The following APP variants were observed in gnomAD, a reference collection of about 807,000 sequenced individuals.
APP encodes the protein amyloid-beta precursor protein.
Under a neutral mutation model 101.4 loss-of-function variants are expected in APP, and 31 were observed. The observed-to-expected ratio is 0.31, with a 90% confidence interval of 0.23 to 0.41. The LOEUF (loss-of-function observed/expected upper bound fraction) is 0.41. Ranked by LOEUF, APP falls within the 10% of genes least tolerant of loss-of-function variation. The pLI, the probability that APP is intolerant of heterozygous loss-of-function variation, is 1.00. For synonymous variants in APP, 366 were observed against 364.4 expected, an observed-to-expected ratio of 1.00 and a Z score of -0.05; for missense variants, 839 against 1,003.7, an observed-to-expected ratio of 0.84 and a Z score of 2.22.
intron 13 of APP, among the ~76,000 whole-genome samples, chr21:25,938,424 A>AT (rs1161544430): frequency 3.1e-4 from 46 of 149,212 alleles, no homozygotes; most frequent in South Asian, 6.4e-4. Flanking sequence ...TCTCTGCTTC[A>AT]TTTTTTTTTT....
intron 3 of APP, among the ~76,000 whole-genome samples, chr21:26,064,471 T>C (rs117949387): frequency 6.6e-6 from 1 of 152,336 alleles, no homozygotes; most frequent in Non-Finnish European, 1.5e-5. Context: ...TAAGGTGTCA[T>C]GCCAAACTCC....
At chr21:25,952,191 T>TACACATAC (rs1555901900) in intron 13 of APP, among the ~76,000 whole-genome samples, 5 of 139,898 alleles carry the variant, frequency 3.6e-5, no homozygotes, top group Non-Finnish European at 7.8e-5. Flanking sequence ...ATTACATACA[T>TACACATAC]ACACACACAC....
intron 9 of APP, among the ~76,000 whole-genome samples, chr21:25,978,181 A>G (rs2042292671): frequency 6.6e-6 from 1 of 152,238 alleles, no homozygotes; most frequent in Non-Finnish European, 1.5e-5. Flanking sequence ...ATTAACTCAC[A>G]TTTTGATTTT....
chr21:26,083,905 G>A, intron 3 of APP, among the ~76,000 whole-genome samples: 1 of 151,988 alleles, frequency 6.6e-6, no homozygotes, highest in Non-Finnish European at 1.5e-5. Flanking sequence ...ATGTAATGAA[G>A]TATAAATCAC....
At chr21:25,904,785 C>G (rs1220772162) in intron 15 of APP, among the ~76,000 whole-genome samples, 2 of 151,682 alleles carry the variant, frequency 1.3e-5, no homozygotes, top group African/African-American at 4.8e-5. Flanking sequence ...TGGAAGGGCT[C>G]TCTTTTAGGT....
Position 25,982,423 on chromosome 21 carries a change from G to A in APP, c.1145C>T (p.Pro382Leu). Residue 382 changes from proline (P) to leucine (L), a missense_variant, in exon 9 of 18, where the codon CCT (proline) becomes CTT (leucine). Transcript: ENST00000346798. Reference protein sequence around the residue: ...PDAVDKYLETPGDENEHAHFQ... With the variant: ...PDAVDKYLETLGDENEHAHFQ... Reference sequence around the variant, plus strand: ...ATGGGCATGTTCATTCTCATCCCCAGGTGTCTCGAGATACTTGTCAACGGC... The same window carrying A: ...ATGGGCATGTTCATTCTCATCCCCAAGTGTCTCGAGATACTTGTCAACGGC... 1 of 1,613,602 alleles carries A rather than the reference G, an allele frequency of 6.2e-7. No individual in the cohort carries two copies. The highest frequency in any genetic ancestry group is 8.5e-7 in the Non-Finnish European group (1 of 1,179,722).
chr21:25,911,798 G>A lies in APP; in HGVS notation c.1852C>T (p.Leu618Phe), dbSNP rs1173378613. 2.5e-6 allele frequency: 4 copies of A among 1,614,148 alleles called. No homozygotes were observed. Residue 618 changes from leucine to phenylalanine, a missense_variant, in exon 14 of 18, where the codon CTC (leucine) becomes TTC (phenylalanine). Transcript: ENST00000346798. Reference protein sequence around the residue: ...PVNGEFSLDDLQPWHSFGADS... With the variant: ...PVNGEFSLDDFQPWHSFGADS... ...GCCCCAAAAGAATGCCACGGCTGGA[G>A]ATCGTCCAGGCTGAACTCTCCATTC...
intron 1 of APP, among the ~76,000 whole-genome samples, chr21:26,152,284 C>CAAAAAAAAAAAAAAAAAAAAAAAAAAA (rs1161739630): frequency 2.8e-5 from 1 of 36,202 alleles, no homozygotes; most frequent in Admixed American, 4.3e-4. Context: ...GACTCCATCT[C>CAAAAAAAAAAAAAAAAAAAAAAAAAAA]AAAAAAAAAA....
At chr21:26,116,797 C>G (rs1397777403) in intron 1 of APP, among the ~76,000 whole-genome samples, 1 of 152,174 alleles carries the variant, frequency 6.6e-6, no homozygotes, top group Non-Finnish European at 1.5e-5. Context: ...CACCCGCTGA[C>G]TAGTCTAAAT....
intron 2 of APP, among the ~76,000 whole-genome samples, chr21:26,109,579 G>A (rs774514668): frequency 2.0e-5 from 3 of 152,164 alleles, no homozygotes; most frequent in Non-Finnish European, 2.9e-5. Flanking sequence ...CCCAGTCTCA[G>A]GTAGTTTATT....
chr21:25,932,562 T>C (rs1041681360), intron 13 of APP, among the ~76,000 whole-genome samples: 3 of 152,194 alleles, frequency 2.0e-5, no homozygotes, highest in African/African-American at 4.8e-5. Flanking sequence ...ATCCCCACAC[T>C]TTCCAGTCTT....
At chr21:25,886,019 G>A (rs2037300240) in intron 17 of APP, among the ~76,000 whole-genome samples, 1 of 152,018 alleles carries the variant, frequency 6.6e-6, no homozygotes, top group Non-Finnish European at 1.5e-5. Context: ...AGCAGGATGT[G>A]GATTAATAGA....
chr21:26,089,003 T>C (rs150139687), intron 3 of APP, among the ~76,000 whole-genome samples: 129 of 152,376 alleles, frequency 8.5e-4, no homozygotes, highest in Non-Finnish European at 1.4e-3. Flanking sequence ...ATCTCCGGAA[T>C]CTTCAGTAAA....
At chr21:26,164,862 A>G (rs2063573104) in intron 1 of APP, among the ~76,000 whole-genome samples, 1 of 151,942 alleles carries the variant, frequency 6.6e-6, no homozygotes, top group Admixed American at 6.6e-5. Flanking sequence ...TCTCAAAAAA[A>G]AAAAAAAAAG....
intron 13 of APP, among the ~76,000 whole-genome samples, chr21:25,914,600 C>T (rs2039252727): frequency 7.0e-6 from 1 of 141,860 alleles, no homozygotes; most frequent in African/African-American, 2.8e-5. Context: ...GTCGCCCAGG[C>T]TGGAGTGCAG....
At chr21:25,958,918 C>A (rs544712543) in intron 11 of APP, among the ~76,000 whole-genome samples, 20 of 152,150 alleles carry the variant, frequency 1.3e-4, no homozygotes, top group Admixed American at 1.2e-3. Context: ...TAGCAGCTCT[C>A]CCCACCTTAT....
At chr21:26,072,023 T>A (rs2061419744) in intron 3 of APP, among the ~76,000 whole-genome samples, 1 of 152,236 alleles carries the variant, frequency 6.6e-6, no homozygotes, top group African/African-American at 2.4e-5. Flanking sequence ...GCTTTTAAGT[T>A]TCCATAATAG....
Position 25,881,565 on chromosome 21 carries a change from C to G in APP, c.*105G>C. The G allele has an allele frequency of 7.6e-7, 1 of 1,320,226 alleles. No homozygotes were observed. Among genetic ancestry groups the G allele is most frequent in the South Asian group, 1.2e-5 (1 of 84,802 alleles). 81.8% of individuals were successfully genotyped at this position (1,320,226 alleles called of 1,614,324 possible). ...TGTCAAAAGGCGATAATGAGTAAATCATAAAACGGGTTTGTTTCTTCCCAC... is the reference window on the plus strand; with the variant it reads ...TGTCAAAAGGCGATAATGAGTAAATGATAAAACGGGTTTGTTTCTTCCCAC... On this transcript the variant is annotated 3_prime_UTR_variant, in exon 18 of 18. Transcript: ENST00000346798.
chr21:26,077,661 C>T (rs749562547), intron 3 of APP, among the ~76,000 whole-genome samples: 7 of 151,920 alleles, frequency 4.6e-5, no homozygotes, highest in Non-Finnish European at 1.0e-4. Context: ...CAGCCTCGTT[C>T]GTCTCCTCCA....
Sources: gnomAD v4.1 joint callset for allele counts (sites outside exome capture counted in the v4.1 genomes callset) on GRCh38, gnomAD v4.1.1 for gene constraint, MANE v1.5 for transcripts, NCBI Gene and HGNC (gene_info 2026-07-23, HGNC 2026-07-21) for gene names.